The following DPP4 variants were observed in gnomAD, a reference collection of about 807,000 sequenced individuals.
DPP4 encodes the protein dipeptidyl peptidase 4, also known as ADCP-2.
In DPP4, 93 loss-of-function variants were observed where a neutral mutation model predicts 122.4. That is an observed-to-expected ratio of 0.76 (90% CI 0.64 to 0.90). The LOEUF is 0.90. Among genes scored for constraint, DPP4 ranks in the 40% least tolerant of loss-of-function variants. The pLI is 0.00. For missense variants in DPP4, 914 were observed against 907.3 expected (o/e 1.01, Z -0.09); for synonymous variants, 321 against 302.9 (o/e 1.06, Z -0.62).
chr2:162,057,606 A>G (rs1452796900), intron 2 of DPP4, among the ~76,000 whole-genome samples: 1 of 152,138 alleles, frequency 6.6e-6, no homozygotes, highest in Non-Finnish European at 1.5e-5. Context: ...TGCCTCACGG[A>G]GGTACCAGTA....
intron 20 of DPP4, 111 bp from the exon 21 acceptor site, chr2:162,009,406 G>A: frequency 1.1e-6 from 1 of 919,828 alleles, no homozygotes; most frequent in Non-Finnish European, 1.7e-6. Context: ...TTCTATTAGA[G>A]ACTAAAAATT....
intron 2 of DPP4, among the ~76,000 whole-genome samples, chr2:162,059,327 G>A (rs1266728562): frequency 6.6e-6 from 1 of 152,078 alleles, no homozygotes; most frequent in Non-Finnish European, 1.5e-5. Context: ...TACAATAATG[G>A]CCCAAACTAA....
At chr2:162,038,203 T>G (rs1683851488) in intron 8 of DPP4, 99 bp downstream of exon 8, 3 of 1,189,338 alleles carry the variant, frequency 2.5e-6, no homozygotes, top group Middle Eastern at 3.1e-4. Flanking sequence ...AATGAAACTT[T>G]TTTTCAATCT....
intron 2 of DPP4, among the ~76,000 whole-genome samples, chr2:162,062,948 C>A (rs1250448979): frequency 1.3e-5 from 2 of 151,490 alleles, no homozygotes; most frequent in African/African-American, 4.9e-5. Flanking sequence ...CCACAATCAC[C>A]TTGTCTGTTG....
At chr2:162,065,936 G>T (rs1406933863) in intron 2 of DPP4, among the ~76,000 whole-genome samples, 5 of 152,166 alleles carry the variant, frequency 3.3e-5, no homozygotes, top group African/African-American at 1.2e-4. Context: ...CTGGCATATA[G>T]AAAATCCTCA....
intron 25 of DPP4, among the ~76,000 whole-genome samples, chr2:161,994,746 C>A (rs752659540): frequency 7.2e-5 from 11 of 152,068 alleles, no homozygotes; most frequent in Non-Finnish European, 2.9e-5. Flanking sequence ...CCAGCATATG[C>A]GATATTGTGC....
chr2:162,036,403 G>C (rs571138751), intron 8 of DPP4, among the ~76,000 whole-genome samples: 1 of 152,016 alleles, frequency 6.6e-6, no homozygotes, highest in African/African-American at 2.4e-5. Flanking sequence ...CTAACTATGC[G>C]CCAGGTATTG....
intron 8 of DPP4, 131 bp from the exon 9 acceptor site, chr2:162,035,455 G>C (rs1683735169): frequency 2.7e-6 from 2 of 731,334 alleles, no homozygotes; most frequent in Non-Finnish European, 4.4e-6. Flanking sequence ...GCATTTGCTG[G>C]GCTTCCAAAA....
chr2:162,010,680 A>G (rs1346050016), intron 20 of DPP4, among the ~76,000 whole-genome samples: 1 of 152,194 alleles, frequency 6.6e-6, no homozygotes, highest in Non-Finnish European at 1.5e-5. Context: ...TTTTTAAAAT[A>G]TCAAAGCCTC....
intron 10 of DPP4, among the ~76,000 whole-genome samples, chr2:162,030,630 G>A (rs553447371): frequency 4.6e-5 from 7 of 152,194 alleles, no homozygotes; most frequent in South Asian, 2.1e-4. Context: ...GCCAGAAAAC[G>A]GTGTATCATC....
chr2:162,019,358 C>T (rs1683039646), intron 14 of DPP4, 82 bp from the exon 15 acceptor site: 1 of 984,372 alleles, frequency 1.0e-6, no homozygotes, highest in African/African-American at 1.7e-5. Flanking sequence ...AGACCCCAAG[C>T]CTAAGTGTGC....
intron 2 of DPP4, among the ~76,000 whole-genome samples, chr2:162,060,014 C>T (rs1684709205): frequency 6.6e-6 from 1 of 152,176 alleles, no homozygotes; most frequent in Non-Finnish European, 1.5e-5. Context: ...CAGATAGGCA[C>T]AGCCAGTAAC....
At chr2:161,998,935 G>A (rs1329930789) in intron 23 of DPP4, among the ~76,000 whole-genome samples, 1 of 152,160 alleles carries the variant, frequency 6.6e-6, no homozygotes, top group Non-Finnish European at 1.5e-5. Flanking sequence ...TGCAGCAAGA[G>A]AAAAATAAAA....
chr2:162,055,367 T>C (rs891644901), intron 2 of DPP4, among the ~76,000 whole-genome samples: 5 of 152,174 alleles, frequency 3.3e-5, no homozygotes, highest in Non-Finnish European at 7.3e-5. Flanking sequence ...CATTAGCATA[T>C]AATCACAATA....
chr2:162,018,872 T>A (rs1409053933), intron 15 of DPP4, 22 bp from the exon 16 acceptor site: 11 of 1,612,762 alleles, frequency 6.8e-6, no homozygotes, highest in Non-Finnish European at 9.3e-6. Flanking sequence ...ACGGTGGAAA[T>A]TAAGTGCTTG....
At chr2:162,022,050 G>A (rs1203162300) in intron 12 of DPP4, among the ~76,000 whole-genome samples, 2 of 152,162 alleles carry the variant, frequency 1.3e-5, no homozygotes, top group Admixed American at 6.5e-5. Context: ...CTTAATAGAA[G>A]TGATCATAAA....
chr2:162,040,808 T>C (rs1483054107), intron 5 of DPP4, among the ~76,000 whole-genome samples: 1 of 151,968 alleles, frequency 6.6e-6, no homozygotes, highest in African/African-American at 2.4e-5. Flanking sequence ...TGGACCACAC[T>C]CATGCAAGAC....
In DPP4 at chr2:162,073,238, T is replaced by A; in HGVS notation, c.94+161A>T. On this transcript the variant is annotated intron_variant, in intron 2 of 25. Transcript: ENST00000360534. Reference sequence around the variant, plus strand: ...GAAGACCCCGCGAAGTGAATCCAGCTGCTGCTCTACAAGCAGCAACAACAA... The same window carrying A: ...GAAGACCCCGCGAAGTGAATCCAGCAGCTGCTCTACAAGCAGCAACAACAA... 4.6e-6 allele frequency: 3 copies of A among 647,464 alleles called. No homozygotes were observed. The South Asian group carries it at 5.8e-5, about 13-fold the overall frequency. The allele number at this position is 647,464 out of a possible 1,614,324, so 40.1% of individuals were successfully genotyped here. A position where few individuals can be genotyped will look rare whatever the true frequency, so the allele number is the denominator to read the frequency against.
At chr2:162,068,230 C>T (rs1386234637) in intron 2 of DPP4, among the ~76,000 whole-genome samples, 1 of 152,032 alleles carries the variant, frequency 6.6e-6, no homozygotes, top group Non-Finnish European at 1.5e-5. Flanking sequence ...GGATACTTAA[C>T]ACATAGAGAT....
Sources: allele counts gnomAD v4.1 joint callset (sites outside exome capture counted in the v4.1 genomes callset), GRCh38; gene constraint gnomAD v4.1.1; transcripts MANE v1.5; gene names NCBI Gene and HGNC (gene_info 2026-07-23, HGNC 2026-07-21).